The following DCC variants were observed in gnomAD, a reference collection of about 807,000 sequenced individuals.
DCC encodes netrin receptor DCC.
Under a neutral mutation model 172.5 loss-of-function variants are expected in DCC, and 58 were observed. That is an observed-to-expected ratio of 0.34 (90% CI 0.27 to 0.42). The LOEUF (loss-of-function observed/expected upper bound fraction) is 0.42. DCC is among the 10% of genes least tolerant of loss of function. The pLI, the probability that DCC is intolerant of heterozygous loss-of-function variation, is 1.00. For missense variants in DCC, 1,740 were observed against 1,791.0 expected, an observed-to-expected ratio of 0.97 and a Z score of 0.51; for synonymous variants, 709 against 644.5, an observed-to-expected ratio of 1.10 and a Z score of -1.52.
At chr18:52,788,085 C>G (rs1328154177) in intron 2 of DCC, among the ~76,000 whole-genome samples, 1 of 152,136 alleles carries the variant, frequency 6.6e-6, no homozygotes, top group Non-Finnish European at 1.5e-5. Context: ...ATATAATACC[C>G]TTTGAATTTA....
intron 2 of DCC, among the ~76,000 whole-genome samples, chr18:52,799,943 G>A (rs1013680094): frequency 7.2e-5 from 11 of 152,110 alleles, no homozygotes; most frequent in Admixed American, 2.6e-4. Flanking sequence ...TCCACTTGAC[G>A]GGGAACTCTG....
chr18:52,926,364 T>C (rs1023552152), intron 5 of DCC, among the ~76,000 whole-genome samples: 20 of 151,890 alleles, frequency 1.3e-4, no homozygotes, highest in African/African-American at 4.6e-4. Context: ...CGTTGCTTGT[T>C]CTTTGATCAA....
intron 5 of DCC, among the ~76,000 whole-genome samples, chr18:53,057,738 A>T (rs770378616): frequency 2.0e-5 from 3 of 152,138 alleles, no homozygotes; most frequent in African/African-American, 4.8e-5. Flanking sequence ...TACTTTTATT[A>T]GTCATTAGGA....
intron 1 of DCC, among the ~76,000 whole-genome samples, chr18:52,689,674 G>A (rs2035899629): frequency 6.6e-6 from 1 of 152,060 alleles, no homozygotes; most frequent in African/African-American, 2.4e-5. Context: ...AATAGAAAAT[G>A]CAAATTAGAA....
chr18:53,511,519 G>T (rs890922685), intron 27 of DCC, among the ~76,000 whole-genome samples: 1 of 152,198 alleles, frequency 6.6e-6, no homozygotes, highest in Non-Finnish European at 1.5e-5. Flanking sequence ...CGCAGAAGAC[G>T]GGTGATTTCT....
intron 1 of DCC, among the ~76,000 whole-genome samples, chr18:52,609,390 A>C (rs918070682): frequency 2.0e-5 from 3 of 148,732 alleles, no homozygotes; most frequent in Admixed American, 6.9e-5. Flanking sequence ...ATCTTATTAC[A>C]ATATAGCAGC....
intron 5 of DCC, among the ~76,000 whole-genome samples, chr18:53,043,952 T>G (rs2042202797): frequency 1.3e-5 from 2 of 151,832 alleles, no homozygotes; most frequent in Admixed American, 1.3e-4. Context: ...AAGGATCAAT[T>G]TAAATTGCCT....
intron 1 of DCC, among the ~76,000 whole-genome samples, chr18:52,658,876 T>C (rs2035305141): frequency 1.3e-5 from 2 of 149,332 alleles, no homozygotes; most frequent in African/African-American, 4.9e-5. Context: ...GAAATGACTT[T>C]CCTACAAAAT....
chr18:52,604,286 A>G (rs1432715009), intron 1 of DCC, among the ~76,000 whole-genome samples: 1 of 152,048 alleles, frequency 6.6e-6, no homozygotes, highest in East Asian at 1.9e-4. Context: ...TCCCATCTCA[A>G]TAATCAGCTA....
chr18:52,784,678 T>G (rs1028660747), intron 2 of DCC, among the ~76,000 whole-genome samples: 2 of 151,998 alleles, frequency 1.3e-5, no homozygotes, highest in African/African-American at 4.8e-5. Context: ...TATTGAAAAT[T>G]TTTTAAATAT....
At chr18:53,424,838 C>G (rs1910817297) in intron 21 of DCC, among the ~76,000 whole-genome samples, 1 of 152,152 alleles carries the variant, frequency 6.6e-6, no homozygotes, top group Non-Finnish European at 1.5e-5. Flanking sequence ...GGTGAAGAGG[C>G]TTTTGCTATT....
At chr18:53,318,041 C>T (rs578091405) in intron 13 of DCC, among the ~76,000 whole-genome samples, 1 of 152,138 alleles carries the variant, frequency 6.6e-6, no homozygotes, top group Admixed American at 6.5e-5. Context: ...TTTGTTTACT[C>T]TTGCTTCTCT....
chr18:52,506,318 T>C (rs1380781386), intron 1 of DCC, among the ~76,000 whole-genome samples: 1 of 152,168 alleles, frequency 6.6e-6, no homozygotes. Context: ...ATGTGAAGCA[T>C]ATGATTTATA....
chr18:52,991,596 C>A (rs970422607), intron 5 of DCC, among the ~76,000 whole-genome samples: 1 of 152,172 alleles, frequency 6.6e-6, no homozygotes, highest in African/African-American at 2.4e-5. Context: ...TTCACCCATT[C>A]CCTCTTTGTG....
chr18:52,992,239 G>A (rs2041405619), intron 5 of DCC, among the ~76,000 whole-genome samples: 2 of 152,128 alleles, frequency 1.3e-5, no homozygotes, highest in South Asian at 2.1e-4. Flanking sequence ...AGTCAGTATA[G>A]GGCTGAATGC....
At chr18:52,526,221 G>A (rs918192022) in intron 1 of DCC, among the ~76,000 whole-genome samples, 2 of 152,182 alleles carry the variant, frequency 1.3e-5, no homozygotes, top group African/African-American at 4.8e-5. Context: ...CCAGTGGAGA[G>A]AAAGAAGGGA....
Position 53,358,530 on chromosome 18 carries a change from C to CTTTTTTT in DCC, c.2359+18639_2359+18645dup, listed in dbSNP as rs35093625. On this transcript the variant is annotated intron_variant, in intron 15 of 28. Transcript: ENST00000442544. ...GAAATGTAAGACATATTCTCTCTCT[C>CTTTTTTT]TTTTTTTTTTTTTTTTTTTTTTGCG... Among the ~76,000 whole-genome samples, 260 of 95,918 alleles carry CTTTTTTT rather than the reference C, an allele frequency of 2.7e-3. 15 individuals carry two copies. Among genetic ancestry groups the CTTTTTTT allele is most frequent in the Middle Eastern group, 0.01 (1 of 100 alleles). The allele number at this position is 95,918 out of a possible 152,430, so 62.9% of individuals were successfully genotyped here.
At chr18:53,433,594 A>G (rs947099679) in intron 21 of DCC, among the ~76,000 whole-genome samples, 7 of 152,200 alleles carry the variant, frequency 4.6e-5, no homozygotes, top group African/African-American at 1.7e-4. Flanking sequence ...CACATCAGCC[A>G]ACGTTGATCT....
intron 1 of DCC, among the ~76,000 whole-genome samples, chr18:52,388,509 T>G (rs1985906259): frequency 1.3e-5 from 2 of 148,572 alleles, no homozygotes; most frequent in Non-Finnish European, 3.0e-5. Flanking sequence ...AAGTGCCACT[T>G]TTTTTTTTCC....
Sources: allele counts gnomAD v4.1 joint callset (sites outside exome capture counted in the v4.1 genomes callset), GRCh38; gene constraint gnomAD v4.1.1; transcripts MANE v1.5; gene names NCBI Gene and HGNC (gene_info 2026-07-23, HGNC 2026-07-21).